The following CLIC3 variants were observed in gnomAD, a reference collection of about 807,000 sequenced individuals.
CLIC3 encodes chloride intracellular channel protein 3.
In CLIC3, 29 loss-of-function variants were observed where a neutral mutation model predicts 19.9. The ratio of observed to expected loss-of-function variants is 1.46; its 90% confidence interval spans 1.09 to 1.99. CLIC3 has a LOEUF of 1.99. Ranked by LOEUF, CLIC3 falls within the 30% of genes most tolerant of loss-of-function variation. CLIC3 has a pLI of 0.00. For synonymous variants in CLIC3, 143 were observed against 156.4 expected, an observed-to-expected ratio of 0.91 and a Z score of 0.64; for missense variants, 365 against 342.6, an observed-to-expected ratio of 1.07 and a Z score of -0.52.
rs1395029109 is a variant in CLIC3, at chr9:136,995,006, G to T, written c.476C>A (p.Ser159Tyr). 4.6e-6 allele frequency: 7 copies of T among 1,507,268 alleles called. No individual in the cohort carries two copies. The highest frequency in any genetic ancestry group is 1.2e-5 in the South Asian group (1 of 81,022). The allele number at this position is 1,507,268 out of a possible 1,614,324, so 93.4% of individuals were successfully genotyped here. ...ELAGEPQLRESRRRFLDGDRL... is the reference protein window; with the variant it reads ...ELAGEPQLREYRRRFLDGDRL... ...GTCGCCGTCCAGGAAGCGGCGGCGG[G>T]ACTCGCGCAGCTGCGGCTCCCCCGC... The change falls in exon 5 of 6, where the codon TCC (serine) becomes TAC (tyrosine). Residue 159 changes from serine (S) to tyrosine (Y), a missense_variant. By Grantham distance (144) the Ser-to-Tyr change is moderately radical (BLOSUM62 -2). Transcript: ENST00000494426.
In CLIC3 at chr9:136,995,730, G is replaced by C. The variant is rs759447972; in HGVS notation, c.61C>G (p.His21Asp). The change falls in exon 2 of 6, where the codon CAC becomes GAC. Residue 21 changes from histidine (H) to aspartate (D), a missense_variant. Coordinates refer to ENST00000494426, the MANE Select transcript of CLIC3 (RefSeq NM_004669.3). ...AAGAGCCGCTGGCAGGAGGGGCAGT[G>C]ACCCACGCTCTCCCCGTCCTCACTC... ...KASEDGESVG[H>D]CPSCQRLFMV... The C allele has an allele frequency of 7.5e-6, 12 of 1,591,238 alleles. No individual in the cohort carries two copies. The South Asian group carries it at 1.4e-4, about 18-fold the overall frequency.
chr9:136,995,850 G>T, intron 1 of CLIC3, 93 bp from the exon 2 acceptor site: 1 of 867,728 alleles, frequency 1.2e-6, no homozygotes, highest in Non-Finnish European at 1.8e-6. Flanking sequence ...CCCACTGCCA[G>T]TGGGATTGGA....
chr9:136,994,773 C>A lies in CLIC3; in HGVS notation c.619G>T (p.Asp207Tyr). The change falls in exon 6 of 6, where the codon GAC (aspartate) becomes TAC (tyrosine). Residue 207 changes from aspartate to tyrosine, a missense_variant. By Grantham distance (160) the Asp-to-Tyr change is radical. Coordinates refer to ENST00000494426, the MANE Select transcript of CLIC3 (RefSeq NM_004669.3). Reference protein sequence around the residue: ...AELRGVRRYLDSAMQEKEFKY... With the variant: ...AELRGVRRYLYSAMQEKEFKY... ...AACTCTTTCTCCTGCATCGCGCTGT[C>A]CAGGTAGCGGCGTACGCCGCGCAGC... The A allele has an allele frequency of 6.2e-7, 1 of 1,600,574 alleles. No homozygotes were observed. Among genetic ancestry groups the A allele is most frequent in the Non-Finnish European group, 8.5e-7 (1 of 1,174,300 alleles).
In CLIC3 at chr9:136,995,667, T is replaced by C. The variant is rs1830693579; in HGVS notation, c.124A>G (p.Thr42Ala). ...CCTCACCTGCGCGTGTCCACCGTGG[T>C]GAGGGTGAAAGGTACGCCCTTGAGG... ...LLLKGVPFTLTTVDTRRSPDV... is the reference protein window; with the variant it reads ...LLLKGVPFTLATVDTRRSPDV... Residue 42 changes from threonine (T) to alanine (A), a missense_variant, in exon 2 of 6, where the codon ACC becomes GCC. Coordinates refer to ENST00000494426, the MANE Select transcript of CLIC3 (RefSeq NM_004669.3). The C allele has an allele frequency of 1.9e-6, 3 of 1,610,258 alleles. No homozygotes were observed. Among genetic ancestry groups the C allele is most frequent in the African/African-American group, 2.7e-5 (2 of 74,728 alleles).
chr9:136,996,192 C>CA, intron 1 of CLIC3, among the ~76,000 whole-genome samples: 1 of 152,316 alleles, frequency 6.6e-6, no homozygotes, highest in East Asian at 1.9e-4. Context: ...CAGCACCCCC[C>CA]ATCCTGGAAC....
chr9:136,995,510 A>T lies in CLIC3; in HGVS notation c.201T>A (p.Tyr67Ter), dbSNP rs774817854. ...APGSQLPILL[Y>*]DSDAKTDTLQ... ...GCGTGTCTGTCTTGGCGTCGCTGTC[A>T]TAGAGCAGGATGGGCAGCTGCGAGC... The change falls in exon 3 of 6, where the codon TAT becomes TAA. Residue 67 changes from tyrosine (Y) to a stop codon, truncating the protein, a stop_gained. Coordinates refer to ENST00000494426, the MANE Select transcript of CLIC3 (RefSeq NM_004669.3). LOFTEE classifies it high-confidence loss of function. 3.1e-6 allele frequency: 5 copies of T among 1,612,466 alleles called. No individual in the cohort carries two copies. The highest frequency in any genetic ancestry group is 3.4e-6 in the Non-Finnish European group (4 of 1,179,866).
In CLIC3 at chr9:136,994,669, C is replaced by CG. The variant is rs1564202714; in HGVS notation, c.*11dup. 1 of 1,601,968 alleles carries CG rather than the reference C, an allele frequency of 6.2e-7. No homozygotes were observed. The highest frequency in any genetic ancestry group is 1.1e-5 in the South Asian group (1 of 89,912). On this transcript the variant is annotated 3_prime_UTR_variant, in exon 6 of 6. Coordinates refer to ENST00000494426, the MANE Select transcript of CLIC3 (RefSeq NM_004669.3). ...AGATGCCTTTATTGGGCGACAGACG[C>CG]GGGGTGGGGCGCTAGCGGGGGTGCA...
chr9:136,995,228 AC>A lies in CLIC3; in HGVS notation c.333del (p.Lys111AsnfsTer147). The A allele has an allele frequency of 6.2e-7, 1 of 1,612,864 alleles. No individual in the cohort carries two copies. The highest frequency in any genetic ancestry group is 8.5e-7 in the Non-Finnish European group (1 of 1,179,888). ...ACCGGGTTCTTGATGAACGCGGAGA[AC>A]TTGTGGAAAACGTCGTTGCCGGCGG... ...SNTAGNDVFH[K>X]FSAFIKNPVP... On this transcript the variant is annotated frameshift_variant, in exon 4 of 6. Coordinates refer to ENST00000494426, the MANE Select transcript of CLIC3 (RefSeq NM_004669.3). LOFTEE classifies it high-confidence loss of function.
chr9:136,994,750 C>G lies in CLIC3; in HGVS notation c.642G>C (p.Glu214Asp). The G allele has an allele frequency of 6.2e-7, 1 of 1,608,058 alleles. No homozygotes were observed. The highest frequency in any genetic ancestry group is 1.1e-5 in the South Asian group (1 of 90,274). ...CGCTGTGCGGACACGTGTATTTGAA[C>G]TCTTTCTCCTGCATCGCGCTGTCCA... ...RYLDSAMQEKEFKYTCPHSAE... is the reference protein window; with the variant it reads ...RYLDSAMQEKDFKYTCPHSAE... The change falls in exon 6 of 6, where the codon GAG becomes GAC. Residue 214 changes from glutamate to aspartate, a missense_variant. By Grantham distance (45) the Glu-to-Asp change is conservative. Transcript: ENST00000494426.
rs774305456 is a variant in CLIC3, at chr9:136,995,537, G to T, written c.174C>A (p.Pro58=). The T allele has an allele frequency of 8.1e-6, 13 of 1,612,070 alleles. No individual in the cohort carries two copies. Among genetic ancestry groups the T allele is most frequent in the South Asian group, 1.1e-5 (1 of 91,078 alleles). Residue 58 remains proline (P), a synonymous_variant, in exon 3 of 6, where the codon CCC becomes CCA. Coordinates refer to ENST00000494426, the MANE Select transcript of CLIC3 (RefSeq NM_004669.3). ...RSPDVLKDFA[P]GSQLPILLYD... is the part of the protein sequence containing the mutation. Reference sequence around the variant, plus strand: ...AGAGCAGGATGGGCAGCTGCGAGCCGGGGGCGAAGTCCTTCAGCACGTCCG... The same window carrying T: ...AGAGCAGGATGGGCAGCTGCGAGCCTGGGGCGAAGTCCTTCAGCACGTCCG...
At chr9:136,995,876 C>T in intron 1 of CLIC3, 119 bp from the exon 2 acceptor site, 1 of 694,022 alleles carries the variant, frequency 1.4e-6, no homozygotes, top group South Asian at 1.9e-5. Context: ...GCCAGGGCTC[C>T]AGCTTGGTCG....
chr9:136,996,494 C>T lies in CLIC3; in HGVS notation c.33+17G>A. On this transcript the variant is annotated intron_variant, in intron 1 of 5. Coordinates refer to ENST00000494426, the MANE Select transcript of CLIC3 (RefSeq NM_004669.3). ...TTCCTCCCAGACACCCTCCCCGCAG[C>T]TGAGTCCGCCCTGCACCTTGACAAA... is the stretch of plus-strand genomic sequence containing the variant. 6.4e-7 allele frequency: 1 copy of T among 1,553,618 alleles called. No individual in the cohort carries two copies. The highest frequency in any genetic ancestry group is 8.7e-7 in the Non-Finnish European group (1 of 1,147,868).
In CLIC3 at chr9:136,994,761, G is replaced by C; in HGVS notation, c.631C>G (p.Gln211Glu). Residue 211 changes from glutamine to glutamate, a missense_variant, in exon 6 of 6, where the codon CAG (glutamine) becomes GAG (glutamate). By Grantham distance (29) the Gln-to-Glu change is conservative (BLOSUM62 2). Coordinates refer to ENST00000494426, the MANE Select transcript of CLIC3 (RefSeq NM_004669.3). ...GVRRYLDSAMQEKEFKYTCPH... is the reference protein window; with the variant it reads ...GVRRYLDSAMEEKEFKYTCPH... ...CACGTGTATTTGAACTCTTTCTCCT[G>C]CATCGCGCTGTCCAGGTAGCGGCGT... 1.2e-6 allele frequency: 2 copies of C among 1,604,374 alleles called. No individual in the cohort carries two copies. The highest frequency in any genetic ancestry group is 2.2e-5 in the East Asian group (1 of 44,482).
rs765894876 is a variant in CLIC3 at position 136,995,304 on chromosome 9, G to C, written c.270-12C>G. The C allele has an allele frequency of 9.3e-6, 15 of 1,611,098 alleles. No homozygotes were observed. Among genetic ancestry groups the C allele is most frequent in the Non-Finnish European group, 3.4e-6 (4 of 1,178,618 alleles). ...CCAGGCTGGGGAAGCTGCGGGATGAGGGGGTGGGACTCCATTAGACTGGGG... is the reference window on the plus strand; with the variant it reads ...CCAGGCTGGGGAAGCTGCGGGATGACGGGGTGGGACTCCATTAGACTGGGG... On this transcript the variant is annotated splice_polypyrimidine_tract_variant and intron_variant, in intron 3 of 5. Coordinates refer to ENST00000494426, the MANE Select transcript of CLIC3 (RefSeq NM_004669.3).
At chr9:136,995,799 A>C in intron 1 of CLIC3, 42 bp from the exon 2 acceptor site, 1 of 1,330,268 alleles carries the variant, frequency 7.5e-7, no homozygotes, top group South Asian at 1.3e-5. Flanking sequence ...GGCTGGAAGC[A>C]GACCCAGGCA....
chr9:136,995,611 G>T (rs2131410687), intron 2 of CLIC3, 37 bp downstream of exon 2: 5 of 1,609,702 alleles, frequency 3.1e-6, no homozygotes, highest in East Asian at 4.5e-5. Flanking sequence ...CCACCAGTGT[G>T]CGAGGCCAGG....
At chr9:136,996,471 C>T in intron 1 of CLIC3, 40 bp downstream of exon 1, 1 of 1,542,064 alleles carries the variant, frequency 6.5e-7, no homozygotes, top group Non-Finnish European at 8.8e-7. Context: ...AAAAGCGCTT[C>T]CTCCCAGACA....
At position 136,995,754 on chromosome 9, in the gene CLIC3, T is replaced by C; in HGVS notation, c.37A>G (p.Ser13Gly). ...TGACCCACGCTCTCCCCGTCCTCACTCGCCTGGGTGGGTGGAGCGGGGGTG... is the reference window on the plus strand; with the variant it reads ...TGACCCACGCTCTCCCCGTCCTCACCCGCCTGGGTGGGTGGAGCGGGGGTG... ...ETKLQLFVKA[S>G]EDGESVGHCP... Residue 13 changes from serine (S) to glycine (G), a missense_variant, in exon 2 of 6, where the codon AGT becomes GGT. Transcript: ENST00000494426. 2.8e-6 allele frequency: 4 copies of C among 1,405,676 alleles called. No individual in the cohort carries two copies. Among genetic ancestry groups the C allele is most frequent in the Non-Finnish European group, 3.9e-6 (4 of 1,027,524 alleles). 87.1% of individuals were successfully genotyped at this position (1,405,676 alleles called of 1,614,324 possible).
Position 136,995,088 on chromosome 9 carries a change from G to A in CLIC3, c.394C>T (p.Leu132=), listed in dbSNP as rs1459648768. 1 of 1,527,644 alleles carries A rather than the reference G, an allele frequency of 6.5e-7. No homozygotes were observed. The allele number at this position is 1,527,644 out of a possible 1,614,324, so 94.6% of individuals were successfully genotyped here. Reference sequence around the variant, plus strand: ...CTGTCCAGCCTGGCGAGGGCGCGCAGCAGCTGCTGGTACAGGGCTAGGGGG... The same window carrying A: ...CTGTCCAGCCTGGCGAGGGCGCGCAACAGCTGCTGGTACAGGGCTAGGGGG... ...AQDEALYQQL[L]RALARLDSYL... is the part of the protein sequence containing the mutation. Residue 132 remains leucine (L), a synonymous_variant, in exon 5 of 6, where the codon CTG becomes TTG. Transcript: ENST00000494426.
Sources: gnomAD v4.1 joint callset for allele counts (sites outside exome capture counted in the v4.1 genomes callset) on GRCh38, gnomAD v4.1.1 for gene constraint, MANE v1.5 for transcripts, NCBI Gene and HGNC (gene_info 2026-07-23, HGNC 2026-07-21) for gene names.